The following CNTLN variants were observed in gnomAD, a reference collection of about 807,000 sequenced individuals.
CNTLN encodes the protein centlein, centrosomal protein.
Under a neutral mutation model 180.0 loss-of-function variants are expected in CNTLN, and 212 were observed. The observed-to-expected ratio is 1.18, with a 90% CI of 1.05 to 1.32. The LOEUF (loss-of-function observed/expected upper bound fraction) is 1.32, where lower values mean the gene tolerates loss of function less well. Ranked by LOEUF, CNTLN falls within the 40% of genes most tolerant of loss-of-function variation. The pLI, the probability that CNTLN is intolerant of heterozygous loss-of-function variation, is 0.00. For missense variants in CNTLN, 2,095 were observed against 1,610.9 expected (o/e 1.30, Z -5.14); for synonymous variants, 722 against 563.1 (o/e 1.28, Z -3.99).
chr9:17,311,318 C>T (rs921117395), intron 8 of CNTLN, among the ~76,000 whole-genome samples: 4 of 151,908 alleles, frequency 2.6e-5, no homozygotes, highest in African/African-American at 9.7e-5. Flanking sequence ...AGCCACCGTG[C>T]CTGGCCACCT....
At chr9:17,373,250 A>C (rs548408915) in intron 13 of CNTLN, among the ~76,000 whole-genome samples, 14 of 152,294 alleles carry the variant, frequency 9.2e-5, no homozygotes, top group Non-Finnish European at 2.1e-4. Flanking sequence ...TAAAAAAACT[A>C]TTAGAAAGGA....
At position 17,405,275 on chromosome 9, in the gene CNTLN, T is replaced by A. The variant is rs79504891; in HGVS notation, c.2616-4018T>A. Reference sequence around the variant, plus strand: ...CTCAATTTTTAAGAGCTTCAGTCATTGGACATTGTCTTCAGTCAGTGGACA... The same window carrying A: ...CTCAATTTTTAAGAGCTTCAGTCATAGGACATTGTCTTCAGTCAGTGGACA... On this transcript the variant is annotated intron_variant, in intron 15 of 25. Coordinates refer to ENST00000380647, the MANE Select transcript of CNTLN (RefSeq NM_017738.4). Among the ~76,000 whole-genome samples the A allele has an allele frequency of 1.6e-3, 250 of 151,892 alleles. 5 individuals carry two copies. In the East Asian group the frequency reaches 0.044, roughly 27 times the overall value.
chr9:17,362,558 A>G (rs113436414), intron 12 of CNTLN, among the ~76,000 whole-genome samples: 28 of 152,298 alleles, frequency 1.8e-4, no homozygotes, highest in African/African-American at 6.3e-4. Context: ...GAGGCTACCT[A>G]ATTTTTACTT....
intron 25 of CNTLN, among the ~76,000 whole-genome samples, chr9:17,497,388 T>C (rs1007511539): frequency 6.6e-6 from 1 of 152,168 alleles, no homozygotes; most frequent in Non-Finnish European, 1.5e-5. Context: ...ATGGCTAACT[T>C]AAATTTCTCT....
chr9:17,261,876 T>G (rs1271810245), intron 5 of CNTLN, among the ~76,000 whole-genome samples: 1 of 151,392 alleles, frequency 6.6e-6, no homozygotes, highest in Non-Finnish European at 1.5e-5. Flanking sequence ...TTAAACAAAT[T>G]TACAAGTAAA....
chr9:17,304,185 A>G (rs1434124369), intron 7 of CNTLN, among the ~76,000 whole-genome samples: 5 of 152,174 alleles, frequency 3.3e-5, no homozygotes, highest in Non-Finnish European at 4.4e-5. Context: ...GAGGTGAGTC[A>G]TATTGTCCCA....
chr9:17,466,666 A>T (rs967815838), intron 22 of CNTLN, 40 bp from the exon 23 acceptor site: 1 of 1,533,416 alleles, frequency 6.5e-7, no homozygotes, highest in Non-Finnish European at 8.8e-7. Context: ...AAATCTGTTT[A>T]TAAAATATCT....
intron 2 of CNTLN, among the ~76,000 whole-genome samples, chr9:17,181,110 T>C (rs1821098255): frequency 2.0e-5 from 3 of 152,218 alleles, no homozygotes; most frequent in Admixed American, 2.0e-4. Flanking sequence ...TGATAAATTT[T>C]GAGTCACTGT....
At chr9:17,391,531 A>G (rs1272468104) in intron 14 of CNTLN, among the ~76,000 whole-genome samples, 1 of 152,156 alleles carries the variant, frequency 6.6e-6, no homozygotes, top group Non-Finnish European at 1.5e-5. Flanking sequence ...TTGTATTCTG[A>G]GCCCCAACGT....
chr9:17,449,124 A>G (rs1009691028), intron 18 of CNTLN, among the ~76,000 whole-genome samples: 13 of 152,200 alleles, frequency 8.5e-5, no homozygotes, highest in African/African-American at 2.4e-4. Flanking sequence ...ACATTGAGAA[A>G]TTATGTTGGT....
intron 5 of CNTLN, among the ~76,000 whole-genome samples, chr9:17,263,241 G>C (rs952893753): frequency 7.8e-6 from 1 of 127,704 alleles, no homozygotes; most frequent in Non-Finnish European, 1.5e-5. Context: ...CCCTTCCTGT[G>C]TCCATGTGAT....
At chr9:17,304,114 G>A (rs914991776) in intron 7 of CNTLN, among the ~76,000 whole-genome samples, 5 of 152,136 alleles carry the variant, frequency 3.3e-5, no homozygotes, top group African/African-American at 9.7e-5. Context: ...GTGGTAGGAT[G>A]TGGGAATTGA....
At chr9:17,174,975 A>G (rs1820634627) in intron 2 of CNTLN, among the ~76,000 whole-genome samples, 1 of 152,212 alleles carries the variant, frequency 6.6e-6, no homozygotes, top group African/African-American at 2.4e-5. Context: ...TCTTTTGCCC[A>G]TTTCCTATTT....
At chr9:17,511,724 G>A in the CNTLN span, among the ~76,000 whole-genome samples, 5 of 151,960 alleles carry the variant, frequency 3.3e-5, no homozygotes, top group African/African-American at 2.4e-5. Context: ...ACAAGAGCGT[G>A]AATAACAAGT....
intron 15 of CNTLN, among the ~76,000 whole-genome samples, chr9:17,397,116 A>G (rs1178413233): frequency 2.6e-5 from 4 of 152,212 alleles, no homozygotes. Flanking sequence ...GCAAATATGT[A>G]TGTATGAATA....
intron 8 of CNTLN, among the ~76,000 whole-genome samples, chr9:17,315,930 T>C (rs901655864): frequency 1.4e-5 from 2 of 144,260 alleles, no homozygotes; most frequent in East Asian, 4.1e-4. Flanking sequence ...CCAACCATAC[T>C]TGTAGGTTTG....
chr9:17,325,680 T>C (rs1002536701), intron 8 of CNTLN, among the ~76,000 whole-genome samples: 3 of 151,920 alleles, frequency 2.0e-5, no homozygotes, highest in Admixed American at 6.6e-5. Flanking sequence ...TGTTTTTGTT[T>C]TGCTATAGGC....
chr9:17,391,856 A>G (rs1826140444), intron 14 of CNTLN, among the ~76,000 whole-genome samples: 1 of 152,092 alleles, frequency 6.6e-6, no homozygotes, highest in Admixed American at 6.6e-5. Flanking sequence ...CACATTTAAT[A>G]CTCCCAACAA....
chr9:17,313,507 T>G, intron 8 of CNTLN, among the ~76,000 whole-genome samples: 1 of 152,166 alleles, frequency 6.6e-6, no homozygotes, highest in East Asian at 1.9e-4. Context: ...ATTATTCACT[T>G]AAACGTAATG....
Sources: allele counts gnomAD v4.1 joint callset (sites outside exome capture counted in the v4.1 genomes callset), GRCh38; gene constraint gnomAD v4.1.1; transcripts MANE v1.5; gene names NCBI Gene and HGNC (gene_info 2026-07-23, HGNC 2026-07-21).